Variants in CYP2B6 observed in about 807,000 individuals in gnomAD.
CYP2B6 encodes cytochrome P450 family 2 subfamily B member 6, also known as cytochrome P450 2B6.
Under a neutral mutation model 43.4 loss-of-function variants are expected in CYP2B6, and 35 were observed. The observed-to-expected ratio is 0.81, with a 90% CI of 0.62 to 1.07. The LOEUF is 1.07. CYP2B6 is among the 50% of genes least tolerant of loss of function. CYP2B6 has a pLI of 0.00. For synonymous variants in CYP2B6, 239 were observed against 239.2 expected, an observed-to-expected ratio of 1.00 and a Z score of 0.01; for missense variants, 624 against 632.8, an observed-to-expected ratio of 0.99 and a Z score of 0.15.
chr19:41,012,044 G>C (rs1336012774), intron 6 of CYP2B6, among the ~76,000 whole-genome samples: 2 of 152,086 alleles, frequency 1.3e-5, no homozygotes, highest in Admixed American at 6.5e-5. Flanking sequence ...CACCTCCTGG[G>C]TTCAAGTGAT....
rs1317585439 is a variant in CYP2B6, at chr19:40,991,424, T to G, written c.119T>G (p.Leu40Trp). The G allele has an allele frequency of 1.9e-6, 3 of 1,613,902 alleles. No homozygotes were observed. Among genetic ancestry groups the G allele is most frequent in the East Asian group, 2.2e-5 (1 of 44,888 alleles). ...LPPGPRPLPL[L>W]GNLLQMDRRG... is the part of the protein sequence containing the mutation. ...CCAGGGCCCCGCCCTCTGCCCCTTT[T>G]GGGAAACCTTCTGCAGATGGATAGA... Residue 40 changes from leucine to tryptophan, a missense_variant, in exon 1 of 9, where the codon TTG becomes TGG. Physicochemically the swap from Leu to Trp is moderately conservative, Grantham distance 61 (BLOSUM62 -2). Transcript: ENST00000324071.
Position 41,016,801 on chromosome 19 carries a change from T to G in CYP2B6, c.1450T>G (p.Tyr484Asp). The change falls in exon 9 of 9, where the codon TAC (tyrosine) becomes GAC (aspartate). Residue 484 changes from tyrosine to aspartate, a missense_variant. Transcript: ENST00000324071. ...TGGTGTGGGCAAAATACCCCCAACA[T>G]ACCAGATCCGCTTCCTGCCCCGCTG... is the stretch of plus-strand genomic sequence containing the variant. The part of the protein sequence containing the change: ...ECGVGKIPPT[Y>D]QIRFLPR The G allele has an allele frequency of 6.2e-7, 1 of 1,614,010 alleles. No homozygotes were observed. Among genetic ancestry groups the G allele is most frequent in the African/African-American group, 1.3e-5 (1 of 75,030 alleles).
intron 1 of CYP2B6, among the ~76,000 whole-genome samples, chr19:41,002,755 G>C (rs552567189): frequency 2.2e-4 from 33 of 152,110 alleles, no homozygotes; most frequent in African/African-American, 7.7e-4. Flanking sequence ...CACCATGTTG[G>C]TCAGGCTGGA....
At chr19:40,996,046 C>T (rs770752038) in intron 1 of CYP2B6, among the ~76,000 whole-genome samples, 27 of 152,102 alleles carry the variant, frequency 1.8e-4, no homozygotes, top group South Asian at 1.7e-3. Flanking sequence ...AAAGACATGT[C>T]TTGCAACCTA....
At chr19:41,006,472 T>C (rs12985017) in intron 3 of CYP2B6, among the ~76,000 whole-genome samples, 8,105 of 151,894 alleles carry the variant, frequency 0.053, 254 homozygotes, top group Middle Eastern at 0.099. Context: ...TTAATTTATA[T>C]AAGCAATTGA....
chr19:41,008,055 GTT>G (rs902099419), intron 4 of CYP2B6, among the ~76,000 whole-genome samples: 5 of 143,978 alleles, frequency 3.5e-5, no homozygotes, highest in African/African-American at 7.6e-5. Flanking sequence ...CTCCCTCTGT[GTT>G]TTTTTTTTTA....
chr19:41,003,592 G>C lies in CYP2B6; in HGVS notation c.172-409G>C, dbSNP rs970519912. The stretch of plus-strand genomic sequence containing the variant: ...TTTTATCAACCATCTTTACTGTTTA[G>C]GGCACAAGCCAATCAGAGCAGACCC... On this transcript the variant is annotated intron_variant, in intron 1 of 8. Transcript: ENST00000324071. 9.2e-5 allele frequency among the ~76,000 whole-genome samples: 14 copies of C among 152,274 alleles called. No homozygotes were observed. The East Asian group carries it at 1.2e-3, about 13-fold the overall frequency.
At chr19:41,010,789 C>G (rs151086735) in intron 6 of CYP2B6, among the ~76,000 whole-genome samples, 5 of 152,038 alleles carry the variant, frequency 3.3e-5, no homozygotes, top group Admixed American at 6.6e-5. Context: ...CATTCACCCC[C>G]CTTCTGCTCC....
At chr19:41,001,748 G>A (rs950645310) in intron 1 of CYP2B6, among the ~76,000 whole-genome samples, 1 of 152,168 alleles carries the variant, frequency 6.6e-6, no homozygotes, top group African/African-American at 2.4e-5. Context: ...AGGAATTGAT[G>A]ATGTGGCATC....
At chr19:41,013,086 A>G (rs559727547) in intron 8 of CYP2B6, 4 of 462,086 alleles carry the variant, frequency 8.7e-6, no homozygotes, top group Non-Finnish European at 1.6e-5. Flanking sequence ...AAAAGAAAAA[A>G]TCTGTTGGGC....
chr19:41,012,215 G>A, intron 6 of CYP2B6, 83 bp from the exon 7 acceptor site: 2 of 1,354,068 alleles, frequency 1.5e-6, no homozygotes, highest in African/African-American at 1.4e-5. Flanking sequence ...CTCCAAAATT[G>A]CTGGGATTAC....
intron 1 of CYP2B6, among the ~76,000 whole-genome samples, chr19:40,999,324 C>A (rs374057663): frequency 4.0e-5 from 6 of 151,684 alleles, no homozygotes; most frequent in Middle Eastern, 6.3e-3. Flanking sequence ...GATATTAGCC[C>A]TTTGTCAGAT....
chr19:41,003,907 C>T, intron 1 of CYP2B6, 94 bp from the exon 2 acceptor site: 1 of 1,520,698 alleles, frequency 6.6e-7, no homozygotes, highest in Non-Finnish European at 9.0e-7. Flanking sequence ...TGGGGAGGGG[C>T]TAATTACCAA....
At position 41,004,298 on chromosome 19, in the gene CYP2B6, T is replaced by G. The variant is rs577597311; in HGVS notation, c.336T>G (p.Gly112=). The G allele has an allele frequency of 6.2e-7, 1 of 1,613,858 alleles. No individual in the cohort carries two copies. The highest frequency in any genetic ancestry group is 2.2e-5 in the East Asian group (1 of 44,870). The change falls in exon 3 of 9, where the codon GGT becomes GGG. Residue 112 remains glycine (G), a splice_region_variant and synonymous_variant. Transcript: ENST00000324071. Reference sequence around the variant, plus strand: ...ACCCACACCTCCCCTGCACCCCAGGTGTGATCTTTGCCAATGGAAACCGCT... The same window carrying G: ...ACCCACACCTCCCCTGCACCCCAGGGGTGATCTTTGCCAATGGAAACCGCT... ...AMVDPFFRGY[G]VIFANGNRWK... is the part of the protein sequence containing the mutation.
At chr19:41,009,569 G>C in intron 5 of CYP2B6, 174 bp downstream of exon 5, 1 of 721,370 alleles carries the variant, frequency 1.4e-6, no homozygotes, top group Non-Finnish European at 2.3e-6. Context: ...GAAAGATGAG[G>C]TGAAAGGAGG....
At chr19:41,004,512 A>G (rs1304625731) in intron 3 of CYP2B6, 66 bp downstream of exon 3, 3 of 1,566,964 alleles carry the variant, frequency 1.9e-6, no homozygotes, top group Non-Finnish European at 1.7e-6. Context: ...GTGCACGGGA[A>G]TAGAAAGACA....
At position 41,012,228 on chromosome 19, in the gene CYP2B6, G is replaced by A. The variant is rs145425445; in HGVS notation, c.965-70G>A. ...ACCTCCAAAATTGCTGGGATTACAG[G>A]CATGAGCCACCATGCCTGGCCTGAA... On this transcript the variant is annotated intron_variant, in intron 6 of 8. Coordinates refer to ENST00000324071, the MANE Select transcript of CYP2B6 (RefSeq NM_000767.5). 1,983 of 1,479,720 alleles carry A rather than the reference G, an allele frequency of 1.3e-3. 5 individuals carry two copies. Among genetic ancestry groups the A allele is most frequent in the Middle Eastern group, 6.1e-3 (30 of 4,886 alleles). The allele number at this position is 1,479,720 out of a possible 1,614,324, so 91.7% of individuals were successfully genotyped here. A position where few individuals can be genotyped will look rare whatever the true frequency, so the allele number is the denominator to read the frequency against.
In CYP2B6 at chr19:41,007,059, C is replaced by T. The variant is rs533900276; in HGVS notation, c.639C>T (p.Phe213=). Residue 213 remains phenylalanine, a synonymous_variant, in exon 4 of 9, where the codon TTC becomes TTT. Coordinates refer to ENST00000324071, the MANE Select transcript of CYP2B6 (RefSeq NM_000767.5). ...CTTTTTCACTCATCAGCTCTGTATTCGGCCAGGTCAGGGAGACGGAGAGGG... is the reference window on the plus strand; with the variant it reads ...CTTTTTCACTCATCAGCTCTGTATTTGGCCAGGTCAGGGAGACGGAGAGGG... ...YQTFSLISSV[F]GQLFELFSGF... The T allele has an allele frequency of 3.4e-5, 55 of 1,614,060 alleles. No individual in the cohort carries two copies. In the Admixed American group the frequency reaches 6.3e-4, roughly 19 times the overall value.
chr19:41,015,417 C>A (rs1194673514), intron 8 of CYP2B6, among the ~76,000 whole-genome samples: 1 of 152,202 alleles, frequency 6.6e-6, no homozygotes, highest in Non-Finnish European at 1.5e-5. Context: ...TCCACATAGA[C>A]ACACTTGTCC....
Sources: gnomAD v4.1 joint callset for allele counts (sites outside exome capture counted in the v4.1 genomes callset) on GRCh38, gnomAD v4.1.1 for gene constraint, MANE v1.5 for transcripts, NCBI Gene and HGNC (gene_info 2026-07-23, HGNC 2026-07-21) for gene names.